XKR9: variants seen among roughly 807,000 people sequenced by gnomAD.
The protein encoded by XKR9 is XK-related protein 9.
Under a neutral mutation model 32.0 loss-of-function variants are expected in XKR9, and 32 were observed. The observed-to-expected ratio is 1.00, with a 90% CI of 0.76 to 1.34. XKR9 has a LOEUF of 1.34. XKR9 is among the 40% of genes most tolerant of loss of function. XKR9 has a pLI of 0.00. For synonymous variants in XKR9, 168 were observed against 143.4 expected, an observed-to-expected ratio of 1.17 and a Z score of -1.22; for missense variants, 546 against 429.7, an observed-to-expected ratio of 1.27 and a Z score of -2.39.
chr8:71,028,368 T>C, the XKR9 span, among the ~76,000 whole-genome samples: 3 of 152,326 alleles, frequency 2.0e-5, no homozygotes, highest in African/African-American at 7.2e-5. Context: ...AGATAGTTTG[T>C]TATTAGTGTA....
At chr8:70,745,869 G>T (rs1807051474) in intron 2 of XKR9, among the ~76,000 whole-genome samples, 1 of 152,054 alleles carries the variant, frequency 6.6e-6, no homozygotes, top group Admixed American at 6.6e-5. Context: ...TGTGATTGTG[G>T]GGGTCAGAGA....
chr8:70,932,064 C>T, the XKR9 span, among the ~76,000 whole-genome samples: 2 of 152,110 alleles, frequency 1.3e-5, no homozygotes, highest in African/African-American at 4.8e-5. Context: ...CAGTTCAATA[C>T]ATTTGTTGAG....
chr8:70,770,911 A>T (rs890666451), intron 2 of XKR9, among the ~76,000 whole-genome samples: 1 of 152,110 alleles, frequency 6.6e-6, no homozygotes, highest in Admixed American at 6.5e-5. Context: ...GCCTTTCAGG[A>T]TAGTGAATGC....
chr8:71,026,104 C>T, the XKR9 span, among the ~76,000 whole-genome samples: 2 of 152,162 alleles, frequency 1.3e-5, no homozygotes, highest in Non-Finnish European at 2.9e-5. Context: ...TCTTTGAAGT[C>T]CTGGCTTCTC....
chr8:71,011,183 C>T, the XKR9 span, among the ~76,000 whole-genome samples: 575 of 152,160 alleles, frequency 3.8e-3, no homozygotes, highest in Non-Finnish European at 5.2e-3. Context: ...TGCACTTAGA[C>T]GAGCAAAATA....
intron 1 of XKR9, among the ~76,000 whole-genome samples, chr8:70,674,315 G>T (rs1818816001): frequency 6.6e-6 from 1 of 152,214 alleles, no homozygotes; most frequent in African/African-American, 2.4e-5. Context: ...AGGATTGACA[G>T]AATTTCATCA....
At chr8:70,714,938 G>T (rs1307087398) in intron 4 of XKR9, among the ~76,000 whole-genome samples, 1 of 152,104 alleles carries the variant, frequency 6.6e-6, no homozygotes, top group Non-Finnish European at 1.5e-5. Flanking sequence ...TTTGACAATG[G>T]CACAAAATTT....
the XKR9 span, among the ~76,000 whole-genome samples, chr8:70,943,240 A>T: frequency 2.9e-3 from 438 of 152,262 alleles, 2 homozygotes; most frequent in African/African-American, 9.9e-3. Context: ...AGTGTTTAGG[A>T]TTGTAATAAA....
At chr8:70,961,368 G>A in the XKR9 span, among the ~76,000 whole-genome samples, 2 of 152,268 alleles carry the variant, frequency 1.3e-5, no homozygotes, top group East Asian at 3.9e-4. Flanking sequence ...AGCAAAGGCA[G>A]GTGGAAGAAA....
chr8:71,053,303 G>T, the XKR9 span, among the ~76,000 whole-genome samples: 1 of 152,188 alleles, frequency 6.6e-6, no homozygotes, highest in Non-Finnish European at 1.5e-5. Context: ...TGGGAGTAGA[G>T]ATTCTAAAAC....
At chr8:70,727,402 G>GT (rs1389784794) in intron 4 of XKR9, among the ~76,000 whole-genome samples, 3 of 150,770 alleles carry the variant, frequency 2.0e-5, no homozygotes, top group Non-Finnish European at 4.4e-5. Flanking sequence ...GGGGATCAGA[G>GT]TTTTTTTGTT....
chr8:70,850,319 G>A, the XKR9 span, among the ~76,000 whole-genome samples: 1 of 151,820 alleles, frequency 6.6e-6, no homozygotes, highest in African/African-American at 2.4e-5. Context: ...ACATTAGCTG[G>A]GTGTGGTGGT....
the XKR9 span, among the ~76,000 whole-genome samples, chr8:70,908,814 TA>T: frequency 3.3e-5 from 5 of 151,928 alleles, no homozygotes; most frequent in Non-Finnish European, 4.4e-5. Flanking sequence ...ATGGGCTGTA[TA>T]AAAAAAAGGC....
the XKR9 span, among the ~76,000 whole-genome samples, chr8:70,900,647 C>G: frequency 6.6e-6 from 1 of 151,952 alleles, no homozygotes; most frequent in Non-Finnish European, 1.5e-5. Flanking sequence ...TTTTAGCATA[C>G]TTGGCTCATG....
chr8:70,900,319 A>G, the XKR9 span, among the ~76,000 whole-genome samples: 2 of 152,236 alleles, frequency 1.3e-5, no homozygotes, highest in East Asian at 3.9e-4. Context: ...CGCTGGGTGC[A>G]GTGCTCGCGC....
chr8:71,035,815 G>A, the XKR9 span, among the ~76,000 whole-genome samples: 3 of 152,150 alleles, frequency 2.0e-5, no homozygotes, highest in Non-Finnish European at 4.4e-5. Flanking sequence ...CTCCCCTGCA[G>A]CAGACCATAA....
chr8:71,005,734 G>T, the XKR9 span, among the ~76,000 whole-genome samples: 1 of 152,198 alleles, frequency 6.6e-6, no homozygotes, highest in Non-Finnish European at 1.5e-5. Context: ...AGAAGGAATT[G>T]ATCCTCATTG....
chr8:70,733,096 G>A (rs951835630), intron 4 of XKR9, among the ~76,000 whole-genome samples: 2 of 152,146 alleles, frequency 1.3e-5, no homozygotes, highest in Non-Finnish European at 2.9e-5. Flanking sequence ...GACAGAGTGA[G>A]ACTCCATCTC....
chr8:70,703,212 A>T (rs62530788), intron 3 of XKR9, among the ~76,000 whole-genome samples: 9,535 of 148,672 alleles, frequency 0.064, 427 homozygotes, highest in Non-Finnish European at 0.09. Context: ...TGTCAATTTT[A>T]CCTGTTATTG....
Sources: gnomAD v4.1 joint callset for allele counts (sites outside exome capture counted in the v4.1 genomes callset) on GRCh38, gnomAD v4.1.1 for gene constraint, MANE v1.5 for transcripts, NCBI Gene and HGNC (gene_info 2026-07-23, HGNC 2026-07-21) for gene names.